The following SLC25A33 variants were observed in gnomAD, a reference collection of about 807,000 sequenced individuals.
SLC25A33 encodes solute carrier family 25 member 33.
A neutral mutation model predicts 35.5 loss-of-function variants in SLC25A33; 15 were observed. The ratio of observed to expected loss-of-function variants is 0.42; its 90% CI spans 0.28 to 0.65. The LOEUF (loss-of-function observed/expected upper bound fraction) is 0.65. Among genes scored for constraint, SLC25A33 ranks in the 30% least tolerant of loss-of-function variants. The probability of loss-of-function intolerance (pLI) is 0.20; values close to 1 mark genes in which losing one functional copy is unlikely to be tolerated. For synonymous variants in SLC25A33, 136 were observed against 148.7 expected (o/e 0.91, Z 0.62); for missense variants, 257 against 398.5 (o/e 0.64, Z 3.02).
At position 9,560,156 on chromosome 1, in the gene SLC25A33, G is replaced by T. The variant is rs184695197; in HGVS notation, c.236+6351G>T. Among the ~76,000 whole-genome samples the T allele has an allele frequency of 2.6e-4, 40 of 151,874 alleles. No homozygotes were observed. In the East Asian group the frequency reaches 4.4e-3, roughly 17 times the overall value. On this transcript the variant is annotated intron_variant, in intron 2 of 6. Coordinates refer to ENST00000302692, the MANE Select transcript of SLC25A33 (RefSeq NM_032315.3). ...AATCCCAGCTTCTCGGGAGGGTGAG[G>T]CAAGAGAATCACTTGAACCTGGGAG... is the stretch of plus-strand genomic sequence containing the variant.
At chr1:9,573,059 A>G (rs1212771670) in intron 4 of SLC25A33, among the ~76,000 whole-genome samples, 2 of 152,162 alleles carry the variant, frequency 1.3e-5, no homozygotes, top group East Asian at 3.8e-4. Context: ...TTTCAGTAGG[A>G]ATCACATTAA....
At chr1:9,546,240 A>G (rs1569841616) in intron 1 of SLC25A33, among the ~76,000 whole-genome samples, 1 of 125,984 alleles carries the variant, frequency 7.9e-6, no homozygotes, top group African/African-American at 3.2e-5. Context: ...GCTGGAGTGC[A>G]GTGGTGCGAT....
Position 9,580,248 on chromosome 1 carries a change from T to A in SLC25A33, c.763+14T>A, listed in dbSNP as rs375875644. ...CTTATCCACACGGTATGTTTTGCTT[T>A]TGTTCTTCCAGAGCAGTAAAACAGC... On this transcript the variant is annotated intron_variant, in intron 6 of 6. Coordinates refer to ENST00000302692, the MANE Select transcript of SLC25A33 (RefSeq NM_032315.3). 2.5e-6 allele frequency: 4 copies of A among 1,608,982 alleles called. No homozygotes were observed. In the South Asian group the frequency reaches 3.3e-5, roughly 13 times the overall value.
chr1:9,567,679 A>G lies in SLC25A33; in HGVS notation c.314+318A>G, dbSNP rs1353287500. 2.6e-5 allele frequency among the ~76,000 whole-genome samples: 4 copies of G among 152,242 alleles called. No homozygotes were observed. In the East Asian group the frequency reaches 7.7e-4, roughly 29 times the overall value. On this transcript the variant is annotated intron_variant, in intron 3 of 6. Transcript: ENST00000302692. ...CATTAGTATTGTATGAGAGCTTGTT[A>G]TAAACACACAATCCCAGGGCACATC...
chr1:9,568,050 A>G (rs984119299), intron 3 of SLC25A33, among the ~76,000 whole-genome samples: 2 of 152,268 alleles, frequency 1.3e-5, no homozygotes, highest in Non-Finnish European at 2.9e-5. Flanking sequence ...ATCTTGGCAG[A>G]AAGTTCTCTT....
chr1:9,561,275 G>A (rs1315100234), intron 2 of SLC25A33, among the ~76,000 whole-genome samples: 1 of 152,074 alleles, frequency 6.6e-6, no homozygotes, highest in African/African-American at 2.4e-5. Flanking sequence ...CTTTTTCATT[G>A]AAAAGTAACG....
At chr1:9,565,984 A>G (rs544905813) in intron 2 of SLC25A33, among the ~76,000 whole-genome samples, 2 of 152,236 alleles carry the variant, frequency 1.3e-5, no homozygotes, top group East Asian at 1.9e-4. Context: ...TCATCCGTCC[A>G]TGAAAATTAT....
intron 1 of SLC25A33, among the ~76,000 whole-genome samples, chr1:9,543,258 C>T (rs1051050201): frequency 1.3e-5 from 2 of 152,052 alleles, no homozygotes; most frequent in Non-Finnish European, 2.9e-5. Flanking sequence ...ATTCTCTTGC[C>T]TCAGCCTCCT....
chr1:9,564,062 A>G lies in SLC25A33; in HGVS notation c.237-3222A>G, dbSNP rs1643463976. On this transcript the variant is annotated intron_variant, in intron 2 of 6. Coordinates refer to ENST00000302692, the MANE Select transcript of SLC25A33 (RefSeq NM_032315.3). ...TAGTAAAGAGAAATCCTCCATAAGA[A>G]AAAGAGATTAAATTAGAGAAGACCA... 4.6e-5 allele frequency among the ~76,000 whole-genome samples: 7 copies of G among 152,346 alleles called. No homozygotes were observed. The South Asian group carries it at 1.4e-3, about 32-fold the overall frequency.
At chr1:9,569,070 A>G (rs531634361) in intron 3 of SLC25A33, among the ~76,000 whole-genome samples, 2 of 151,860 alleles carry the variant, frequency 1.3e-5, no homozygotes, top group South Asian at 4.2e-4. Context: ...ACATAGTGAA[A>G]CCCCATCTCT....
At chr1:9,579,240 G>A (rs910281018) in intron 5 of SLC25A33, among the ~76,000 whole-genome samples, 1 of 152,156 alleles carries the variant, frequency 6.6e-6, no homozygotes, top group Non-Finnish European at 1.5e-5. Flanking sequence ...CACCAGCTGG[G>A]TGTCCTCTCA....
intron 1 of SLC25A33, among the ~76,000 whole-genome samples, chr1:9,542,411 A>G (rs1475334582): frequency 6.6e-6 from 1 of 152,214 alleles, no homozygotes; most frequent in Non-Finnish European, 1.5e-5. Flanking sequence ...TGGAGACTCA[A>G]GAAAGAAAAG....
chr1:9,568,874 C>A (rs1319128330), intron 3 of SLC25A33, among the ~76,000 whole-genome samples: 4 of 150,856 alleles, frequency 2.7e-5, no homozygotes, highest in Admixed American at 2.7e-4. Flanking sequence ...TGAAGTCTTA[C>A]AACAAAAATG....
At chr1:9,560,097 C>A (rs893950414) in intron 2 of SLC25A33, among the ~76,000 whole-genome samples, 3 of 151,976 alleles carry the variant, frequency 2.0e-5, no homozygotes, top group Admixed American at 6.6e-5. Context: ...ACTAAAAATA[C>A]AAAAACCAGC....
At chr1:9,579,910 A>G (rs1216951579) in intron 5 of SLC25A33, 44 bp from the exon 6 acceptor site, 2 of 1,581,302 alleles carry the variant, frequency 1.3e-6, no homozygotes, top group Non-Finnish European at 1.7e-6. Context: ...GTGTTCCACC[A>G]TGATATGTCT....
intron 5 of SLC25A33, among the ~76,000 whole-genome samples, chr1:9,579,122 C>G (rs1031679041): frequency 6.6e-6 from 1 of 152,216 alleles, no homozygotes; most frequent in South Asian, 2.1e-4. Context: ...AAACTCTCCT[C>G]AAACCATGTT....
chr1:9,574,087 T>C (rs1305657118), intron 5 of SLC25A33, among the ~76,000 whole-genome samples: 1 of 151,904 alleles, frequency 6.6e-6, no homozygotes, highest in Non-Finnish European at 1.5e-5. Flanking sequence ...GCCTCCTAAG[T>C]AGAATAATGT....
At chr1:9,565,066 C>A (rs963546514) in intron 2 of SLC25A33, among the ~76,000 whole-genome samples, 2 of 152,026 alleles carry the variant, frequency 1.3e-5, no homozygotes, top group African/African-American at 2.4e-5. Flanking sequence ...AGATTAGAGA[C>A]AGTAGAATGG....
chr1:9,581,808 A>C (rs1358497839), intron 6 of SLC25A33, among the ~76,000 whole-genome samples: 1 of 152,218 alleles, frequency 6.6e-6, no homozygotes, highest in African/African-American at 2.4e-5. Flanking sequence ...TAGAGTTGGA[A>C]AAGGTTCTAA....
Sources: gnomAD v4.1 joint callset for allele counts (sites outside exome capture counted in the v4.1 genomes callset) on GRCh38, gnomAD v4.1.1 for gene constraint, MANE v1.5 for transcripts, NCBI Gene and HGNC (gene_info 2026-07-23, HGNC 2026-07-21) for gene names.